BMPR1B: variants seen among roughly 807,000 people sequenced by gnomAD.
BMPR1B encodes bone morphogenetic protein receptor type 1B.
BMPR1B carries 12 observed loss-of-function variants against 59.1 expected under a neutral mutation model. The ratio of observed to expected loss-of-function variants is 0.20; its 90% CI spans 0.13 to 0.33. BMPR1B has a LOEUF of 0.33. Ranked by LOEUF, BMPR1B falls within the 10% of genes least tolerant of loss-of-function variation. BMPR1B has a pLI of 1.00. For missense variants in BMPR1B, 550 were observed against 610.9 expected, an observed-to-expected ratio of 0.90 and a Z score of 1.05; for synonymous variants, 237 against 207.3, an observed-to-expected ratio of 1.14 and a Z score of -1.23.
rs538130892 is a variant in BMPR1B, at chr4:95,115,949, A to G, written c.349+162A>G. 1.4e-4 allele frequency among the ~76,000 whole-genome samples: 22 copies of G among 152,342 alleles called. No homozygotes were observed. The South Asian group carries it at 4.3e-3, about 30-fold the overall frequency. On this transcript the variant is annotated intron_variant, in intron 6 of 12. Transcript: ENST00000515059. ...GAACCATCATTCGAAGACATGTGCAAGTAGTTTGTGGGAAAACAGTCATAT... is the reference window on the plus strand; with the variant it reads ...GAACCATCATTCGAAGACATGTGCAGGTAGTTTGTGGGAAAACAGTCATAT...
At chr4:94,951,367 G>A (rs1002330885) in intron 2 of BMPR1B, among the ~76,000 whole-genome samples, 4 of 152,178 alleles carry the variant, frequency 2.6e-5, no homozygotes, top group African/African-American at 9.7e-5. Flanking sequence ...CAAAAGGAAT[G>A]CTTCCAGCTT....
At chr4:95,000,054 A>G (rs1182483295) in intron 3 of BMPR1B, among the ~76,000 whole-genome samples, 1 of 152,220 alleles carries the variant, frequency 6.6e-6, no homozygotes, top group Non-Finnish European at 1.5e-5. Flanking sequence ...AAGTACTTAC[A>G]TTATATATGA....
chr4:94,857,822 T>C (rs181450831), intron 1 of BMPR1B, among the ~76,000 whole-genome samples: 9 of 152,312 alleles, frequency 5.9e-5, no homozygotes, highest in Admixed American at 2.0e-4. Flanking sequence ...GATACTAATA[T>C]CTCCCAGAAT....
At chr4:95,088,683 T>C (rs1729766533) in intron 3 of BMPR1B, among the ~76,000 whole-genome samples, 2 of 152,154 alleles carry the variant, frequency 1.3e-5, no homozygotes, top group African/African-American at 2.4e-5. Flanking sequence ...TATTTTTTGT[T>C]TCCCAAGAAA....
chr4:94,764,941 C>G (rs947840322), intron 1 of BMPR1B, among the ~76,000 whole-genome samples: 1 of 152,012 alleles, frequency 6.6e-6, no homozygotes, highest in African/African-American at 2.4e-5. Flanking sequence ...ATAATAGTTA[C>G]AATTTAGGTT....
intron 3 of BMPR1B, among the ~76,000 whole-genome samples, chr4:95,046,994 A>G (rs1176612291): frequency 6.6e-6 from 1 of 152,228 alleles, no homozygotes; most frequent in Non-Finnish European, 1.5e-5. Flanking sequence ...CTCTGCAGTC[A>G]ACTCTGTAGT....
intron 3 of BMPR1B, among the ~76,000 whole-genome samples, chr4:95,086,686 A>G (rs1729598382): frequency 6.6e-6 from 1 of 152,168 alleles, no homozygotes; most frequent in Non-Finnish European, 1.5e-5. Context: ...GAGATTTGGG[A>G]TGTTTTAAAA....
At chr4:94,804,267 G>A (rs1045295993) in intron 1 of BMPR1B, among the ~76,000 whole-genome samples, 1 of 152,144 alleles carries the variant, frequency 6.6e-6, no homozygotes, top group Non-Finnish European at 1.5e-5. Context: ...TTTTCAAACT[G>A]TATCTTGTAG....
At chr4:94,888,690 G>C (rs1313653271) in intron 2 of BMPR1B, among the ~76,000 whole-genome samples, 1 of 152,072 alleles carries the variant, frequency 6.6e-6, no homozygotes, top group Non-Finnish European at 1.5e-5. Context: ...AAGGAAGGCT[G>C]ACTGTAAATT....
chr4:94,790,910 C>T (rs1228689256), intron 1 of BMPR1B, among the ~76,000 whole-genome samples: 3 of 152,110 alleles, frequency 2.0e-5, no homozygotes, highest in Admixed American at 6.6e-5. Context: ...CTTACGTTGC[C>T]TTTGGTAGCT....
At chr4:95,090,305 A>AG (rs1241821443) in intron 3 of BMPR1B, among the ~76,000 whole-genome samples, 1 of 151,740 alleles carries the variant, frequency 6.6e-6, no homozygotes, top group Non-Finnish European at 1.5e-5. Context: ...TTTTATAAAA[A>AG]TTATATTTAC....
rs192021435 is a variant in BMPR1B at position 95,108,127 on chromosome 4, C to T, written c.143+3560C>T. On this transcript the variant is annotated intron_variant, in intron 4 of 12. Coordinates refer to ENST00000515059, the MANE Select transcript of BMPR1B (RefSeq NM_001203.3). ...TTAAAATACTTACAAAATACATGCTCCATTTTTATTGCCTAATATTTACCT... is the reference window on the plus strand; with the variant it reads ...TTAAAATACTTACAAAATACATGCTTCATTTTTATTGCCTAATATTTACCT... 2.8e-4 allele frequency among the ~76,000 whole-genome samples: 43 copies of T among 152,110 alleles called. 1 individual carries two copies. The highest frequency in any genetic ancestry group is 2.4e-3 in the Admixed American group (36 of 15,250).
chr4:94,902,247 CACAGAG>C (rs756055572), intron 2 of BMPR1B, among the ~76,000 whole-genome samples: 6,814 of 83,152 alleles, frequency 0.082, 150 homozygotes, highest in East Asian at 0.14. Context: ...CACACACACA[CACAGAG>C]AGAGAGAGAG....
At chr4:94,870,371 T>C (rs890366023) in intron 1 of BMPR1B, among the ~76,000 whole-genome samples, 2 of 138,346 alleles carry the variant, frequency 1.4e-5, no homozygotes, top group African/African-American at 3.3e-5. Context: ...CCTTTCTCTC[T>C]ACTTCCTGCC....
intron 1 of BMPR1B, among the ~76,000 whole-genome samples, chr4:94,783,507 T>G (rs1578638282): frequency 6.6e-6 from 1 of 152,320 alleles, no homozygotes; most frequent in South Asian, 2.1e-4. Context: ...TTTGAAGCTC[T>G]CTGTTCTTAT....
intron 3 of BMPR1B, among the ~76,000 whole-genome samples, chr4:95,002,502 T>G (rs770033892): frequency 6.6e-6 from 1 of 152,180 alleles, no homozygotes; most frequent in Non-Finnish European, 1.5e-5. Flanking sequence ...AGCAATGGGA[T>G]TCACTGGGTC....
At chr4:95,059,887 C>T (rs1336352285) in intron 3 of BMPR1B, among the ~76,000 whole-genome samples, 2 of 152,108 alleles carry the variant, frequency 1.3e-5, no homozygotes, top group African/African-American at 4.8e-5. Context: ...TGCAGTGTGG[C>T]AAAATAGACC....
At chr4:95,133,773 G>T (rs937779366) in intron 10 of BMPR1B, among the ~76,000 whole-genome samples, 1 of 148,912 alleles carries the variant, frequency 6.7e-6, no homozygotes, top group Non-Finnish European at 1.5e-5. Context: ...ATCTCACTAT[G>T]TTGCCAGGCT....
intron 3 of BMPR1B, among the ~76,000 whole-genome samples, chr4:95,074,954 TTTC>T (rs1263315106): frequency 6.6e-6 from 1 of 152,130 alleles, no homozygotes; most frequent in African/African-American, 2.4e-5. Context: ...CATCTGCATA[TTTC>T]TTTTTTTCAT....
Sources: gnomAD v4.1 joint callset for allele counts (sites outside exome capture counted in the v4.1 genomes callset) on GRCh38, gnomAD v4.1.1 for gene constraint, MANE v1.5 for transcripts, NCBI Gene and HGNC (gene_info 2026-07-23, HGNC 2026-07-21) for gene names.